PMPCB: variants seen among roughly 807,000 people sequenced by gnomAD.
PMPCB encodes the protein mitochondrial-processing peptidase subunit beta.
Under a neutral mutation model 61.5 loss-of-function variants are expected in PMPCB, and 46 were observed. The observed-to-expected ratio is 0.75, with a 90% CI of 0.59 to 0.96. The LOEUF is 0.96. PMPCB is among the 40% of genes least tolerant of loss of function. The probability of loss-of-function intolerance (pLI) is 0.00; values close to 1 mark genes in which losing one functional copy is unlikely to be tolerated. For synonymous variants in PMPCB, 191 were observed against 201.6 expected (o/e 0.95, Z 0.44); for missense variants, 590 against 602.4 (o/e 0.98, Z 0.22).
At chr7:103,304,090 A>G in intron 5 of PMPCB, 50 bp downstream of exon 5, 1 of 1,319,636 alleles carries the variant, frequency 7.6e-7, no homozygotes, top group African/African-American at 1.5e-5. Context: ...TGAATGTTGA[A>G]AATAAACATT....
chr7:103,324,733 A>G, intron 12 of PMPCB: 2 of 566,444 alleles, frequency 3.5e-6, no homozygotes, highest in Non-Finnish European at 5.4e-6. Flanking sequence ...GGGGCATGAA[A>G]CAATGCAGGT....
At position 103,314,079 on chromosome 7, in the gene PMPCB, T is replaced by G. The variant is rs1586058999; in HGVS notation, c.*1808T>G. On this transcript the variant is annotated 3_prime_UTR_variant, in exon 13 of 13. Coordinates refer to ENST00000249269, the MANE Select transcript of PMPCB (RefSeq NM_004279.3). ...ACCTATTCAAAACAAAGCAGAGAAT[T>G]TGTATAATATTTGATGGTACCTAAG... is the stretch of plus-strand genomic sequence containing the variant. 1.0e-6 allele frequency: 1 copy of G among 985,310 alleles called. No homozygotes were observed. The highest frequency in any genetic ancestry group is 1.2e-6 in the Non-Finnish European group (1 of 829,914). 61.0% of individuals were successfully genotyped at this position (985,310 alleles called of 1,614,324 possible). A position where few individuals can be genotyped will look rare whatever the true frequency, so the allele number is the denominator to read the frequency against.
At chr7:103,341,638 C>A in the PMPCB span, 1 of 757,136 alleles carries the variant, frequency 1.3e-6, no homozygotes. Context: ...TAGTAATAAA[C>A]AGATGCTAAA....
chr7:103,301,897 A>G (rs1759347522), intron 4 of PMPCB, among the ~76,000 whole-genome samples: 1 of 151,930 alleles, frequency 6.6e-6, no homozygotes, highest in Admixed American at 6.6e-5. Flanking sequence ...GGTGTGCTGC[A>G]CCCGTTAACT....
intron 12 of PMPCB, chr7:103,324,609 A>C (rs762838289): frequency 7.5e-7 from 1 of 1,339,852 alleles, no homozygotes; most frequent in Non-Finnish European, 1.0e-6. Flanking sequence ...AAAATTATGT[A>C]CAACAGTTCA....
At chr7:103,304,141 C>A (rs2115655396) in intron 5 of PMPCB, 101 bp downstream of exon 5, 1 of 944,736 alleles carries the variant, frequency 1.1e-6, no homozygotes, top group East Asian at 2.6e-5. Context: ...GTAATTTTCC[C>A]CCTGGTAATC....
intron 6 of PMPCB, among the ~76,000 whole-genome samples, chr7:103,306,100 G>T (rs1261355112): frequency 6.6e-6 from 1 of 152,170 alleles, no homozygotes; most frequent in African/African-American, 2.4e-5. Flanking sequence ...AAATAGGCCA[G>T]TTTTAAGTTT....
Position 103,309,067 on chromosome 7 carries a change from A to G in PMPCB, c.965A>G (p.Asn322Ser), listed in dbSNP as rs772238285. The change falls in exon 8 of 13, where the codon AAC becomes AGC. Residue 322 changes from asparagine to serine, a missense_variant. By Grantham distance (46) the Asn-to-Ser change is conservative. Coordinates refer to ENST00000249269, the MANE Select transcript of PMPCB (RefSeq NM_004279.3). ...ATGGTTGCAAACACGCTGATTGGCA[A>G]CTGGGATCGCTCTTTTGGGGGAGGA... is the stretch of plus-strand genomic sequence containing the variant. ...CLMVANTLIG[N>S]WDRSFGGGMN... 6.2e-7 allele frequency: 1 copy of G among 1,608,214 alleles called. No homozygotes were observed. The highest frequency in any genetic ancestry group is 1.7e-5 in the Admixed American group (1 of 59,192).
intron 5 of PMPCB, among the ~76,000 whole-genome samples, 154 bp from the exon 6 acceptor site, chr7:103,304,257 T>G (rs1382301189): frequency 6.6e-6 from 1 of 152,220 alleles, no homozygotes; most frequent in Non-Finnish European, 1.5e-5. Flanking sequence ...TTTTCTTTGA[T>G]GTAAAAAAGG....
chr7:103,314,580 A>G lies in PMPCB; in HGVS notation c.*2309A>G, dbSNP rs1817942267. The G allele has an allele frequency of 1.0e-6, 1 of 985,200 alleles. No homozygotes were observed. The highest frequency in any genetic ancestry group is 1.7e-5 in the African/African-American group (1 of 57,222). 61.0% of individuals were successfully genotyped at this position (985,200 alleles called of 1,614,324 possible). A position where few individuals can be genotyped will look rare whatever the true frequency, so the allele number is the denominator to read the frequency against. On this transcript the variant is annotated 3_prime_UTR_variant, in exon 13 of 13. Coordinates refer to ENST00000249269, the MANE Select transcript of PMPCB (RefSeq NM_004279.3). ...ATACCTGTTGTATTTTGTGGAGATA[A>G]AGGTGCAGGAGAATAAACTCCTTTA...
Position 103,314,150 on chromosome 7 carries a change from T to G in PMPCB, c.*1879T>G. ...AAGGTAGCTTTTAAGTTCTAGGAAG[T>G]CTTTTGTTGAATTTCCTTGTATTGG... is the stretch of plus-strand genomic sequence containing the variant. On this transcript the variant is annotated 3_prime_UTR_variant, in exon 13 of 13. Transcript: ENST00000249269. The G allele has an allele frequency of 1.0e-6, 1 of 985,452 alleles. No individual in the cohort carries two copies. Among genetic ancestry groups the G allele is most frequent in the Non-Finnish European group, 1.2e-6 (1 of 829,922 alleles). 61.0% of individuals were successfully genotyped at this position (985,452 alleles called of 1,614,324 possible). A position where few individuals can be genotyped will look rare whatever the true frequency, so the allele number is the denominator to read the frequency against.
chr7:103,307,447 T>C, intron 6 of PMPCB, 149 bp from the exon 7 acceptor site: 1 of 540,248 alleles, frequency 1.9e-6, no homozygotes, highest in Non-Finnish European at 3.3e-6. Flanking sequence ...ACCAAGGAAA[T>C]AGGTGTGCTA....
chr7:103,328,974 G>C, exon 13 of PMPCB: 2 of 1,274,740 alleles, frequency 1.6e-6, no homozygotes, highest in Non-Finnish European at 2.0e-6. Flanking sequence ...AATGGAACAA[G>C]TTATTTTCCA....
In PMPCB at chr7:103,298,923, T is replaced by C. The variant is rs1817370433; in HGVS notation, c.240+215T>C. ...TTGCATTGTCTGCATCTTGTTCTTG[T>C]AGCTTATTATTGATTATTTATTTTC... is the stretch of plus-strand genomic sequence containing the variant. On this transcript the variant is annotated intron_variant, in intron 2 of 12. Coordinates refer to ENST00000249269, the MANE Select transcript of PMPCB (RefSeq NM_004279.3). 5.3e-5 allele frequency among the ~76,000 whole-genome samples: 8 copies of C among 152,348 alleles called. No homozygotes were observed. The South Asian group carries it at 1.5e-3, about 28-fold the overall frequency.
the PMPCB span, chr7:103,336,086 G>C: frequency 3.3e-5 from 5 of 152,564 alleles, no homozygotes; most frequent in African/African-American, 1.2e-4. Flanking sequence ...AGAATCGCTT[G>C]AACCTGGGAG....
At chr7:103,344,885 C>T in the PMPCB span, 1 of 577,638 alleles carries the variant, frequency 1.7e-6, no homozygotes, top group East Asian at 2.9e-5. Context: ...GAGACCAAGT[C>T]GCACGAGAGA....
chr7:103,309,337 T>C (rs1817675596), intron 8 of PMPCB: 1 of 318,178 alleles, frequency 3.1e-6, no homozygotes, highest in East Asian at 5.4e-5. Context: ...CTAGAAGTAC[T>C]ATGTCAATGT....
At chr7:103,301,205 G>A (rs1229313382) in intron 4 of PMPCB, among the ~76,000 whole-genome samples, 1 of 152,192 alleles carries the variant, frequency 6.6e-6, no homozygotes, top group Non-Finnish European at 1.5e-5. Flanking sequence ...GCTATCAGGT[G>A]GCTTACTGTG....
At chr7:103,308,568 G>A (rs1817652721) in intron 7 of PMPCB, among the ~76,000 whole-genome samples, 1 of 152,144 alleles carries the variant, frequency 6.6e-6, no homozygotes, top group African/African-American at 2.4e-5. Flanking sequence ...GCGGTGAGCC[G>A]AGATGGTGCC....
Sources: allele counts gnomAD v4.1 joint callset (sites outside exome capture counted in the v4.1 genomes callset), GRCh38; gene constraint gnomAD v4.1.1; transcripts MANE v1.5; gene names NCBI Gene and HGNC (gene_info 2026-07-23, HGNC 2026-07-21).